The following BTG4 variants were observed in gnomAD, a reference collection of about 807,000 sequenced individuals.
BTG4 encodes the protein protein BTG4.
In BTG4, 10 loss-of-function variants were observed where a neutral mutation model predicts 19.3. The ratio of observed to expected loss-of-function variants is 0.52; its 90% CI spans 0.32 to 0.88. BTG4 has a LOEUF of 0.88. Ranked by LOEUF, BTG4 falls within the 40% of genes least tolerant of loss-of-function variation. The probability of loss-of-function intolerance (pLI) is 0.04; values close to 1 mark genes in which losing one functional copy is unlikely to be tolerated. For missense variants in BTG4, 238 were observed against 281.9 expected (o/e 0.84, Z 1.11); for synonymous variants, 91 against 95.7 (o/e 0.95, Z 0.29).
chr11:111,512,745 G>A (rs1867040770), upstream of BTG4, among the ~76,000 whole-genome samples: 1 of 152,052 alleles, frequency 6.6e-6, no homozygotes, highest in Admixed American at 6.5e-5. Context: ...CCCCGGCAGC[G>A]CCGCCCGCTG....
intron 1 of BTG4, among the ~76,000 whole-genome samples, chr11:111,506,398 C>T (rs539716649): frequency 9.9e-5 from 15 of 151,988 alleles, no homozygotes; most frequent in East Asian, 1.9e-4. Flanking sequence ...TAAAATATTA[C>T]GTATTCTCAC....
In BTG4 at chr11:111,487,321, C is replaced by T. The variant is rs181349994; in HGVS notation, c.662+7842G>A. Among the ~76,000 whole-genome samples, 6 of 152,182 alleles carry T rather than the reference C, an allele frequency of 3.9e-5. No individual in the cohort carries two copies. In the East Asian group the frequency reaches 7.7e-4, roughly 20 times the overall value. On this transcript the variant is annotated intron_variant, in intron 5 of 5. Coordinates refer to the BTG4 transcript ENST00000356018. ...CTTTATAATAGAATGATTTATATTC[C>T]TTTGGGTATATACCCAGTAATGAAA...
downstream of BTG4, among the ~76,000 whole-genome samples, chr11:111,492,818 AG>A (rs1357289946): frequency 2.6e-5 from 4 of 152,248 alleles, no homozygotes; most frequent in Admixed American, 1.3e-4. Context: ...AAAGATCAAG[AG>A]GGAAGGGAGA....
In BTG4 at chr11:111,482,835, T is replaced by C. The variant is rs529029536; in HGVS notation, c.662+12328A>G. On this transcript the variant is annotated intron_variant, in intron 5 of 5. Coordinates refer to the BTG4 transcript ENST00000356018. ...AAACTAAATGTAAAACATAAAACTTTAGAAAAAAAAAAACTTCAGGATCTA... is the reference window on the plus strand; with the variant it reads ...AAACTAAATGTAAAACATAAAACTTCAGAAAAAAAAAAACTTCAGGATCTA... 2.4e-5 allele frequency among the ~76,000 whole-genome samples: 3 copies of C among 124,644 alleles called. No homozygotes were observed. In the South Asian group the frequency reaches 7.3e-4, roughly 30 times the overall value. The allele number at this position is 124,644 out of a possible 152,430, so 81.8% of individuals were successfully genotyped here.
At chr11:111,421,633 G>A in the BTG4 span, among the ~76,000 whole-genome samples, 2 of 152,150 alleles carry the variant, frequency 1.3e-5, no homozygotes, top group South Asian at 2.1e-4. Flanking sequence ...AGTAGAAGGC[G>A]GCTGGGCGTG....
chr11:111,411,240 C>T, the BTG4 span, among the ~76,000 whole-genome samples: 7 of 152,072 alleles, frequency 4.6e-5, no homozygotes, highest in Admixed American at 4.6e-4. Context: ...CTCCTTTCTC[C>T]TTCTACTCTC....
At chr11:111,454,405 T>C in the BTG4 span, 16 of 431,906 alleles carry the variant, frequency 3.7e-5, no homozygotes, top group Non-Finnish European at 5.9e-5. Context: ...TGGAGGAACA[T>C]GTGGGGCTAG....
the BTG4 span, among the ~76,000 whole-genome samples, chr11:111,438,617 C>T: frequency 2.0e-5 from 3 of 152,158 alleles, no homozygotes; most frequent in Admixed American, 6.5e-5. Context: ...CACCCACCAC[C>T]GCCAGCACCT....
the BTG4 span, among the ~76,000 whole-genome samples, chr11:111,441,424 T>G: frequency 1.3e-5 from 2 of 151,506 alleles, no homozygotes; most frequent in African/African-American, 4.9e-5. Flanking sequence ...CAAGGGAGAT[T>G]TTATGGGCTT....
At chr11:111,436,004 A>T in the BTG4 span, among the ~76,000 whole-genome samples, 2 of 152,242 alleles carry the variant, frequency 1.3e-5, no homozygotes, top group Admixed American at 6.5e-5. Flanking sequence ...CCAGAGCCAC[A>T]AAGAAAATGT....
the BTG4 span, among the ~76,000 whole-genome samples, chr11:111,406,152 C>A: frequency 6.6e-6 from 1 of 152,212 alleles, no homozygotes; most frequent in African/African-American, 2.4e-5. Context: ...ATGCCCATTT[C>A]AATACACACT....
chr11:111,514,491 C>T, upstream of BTG4: 1 of 381,102 alleles, frequency 2.6e-6, no homozygotes, highest in Non-Finnish European at 4.9e-6. Context: ...GAGGATGTGG[C>T]AGCCCACTGA....
At chr11:111,443,273 C>G in the BTG4 span, among the ~76,000 whole-genome samples, 1 of 152,280 alleles carries the variant, frequency 6.6e-6, no homozygotes, top group East Asian at 1.9e-4. Flanking sequence ...ATTCTCTCAA[C>G]TGAGAGTAGG....
At chr11:111,464,203 T>G (rs1299391482), downstream of BTG4, among the ~76,000 whole-genome samples, 2 of 152,158 alleles carry the variant, frequency 1.3e-5, no homozygotes, top group Non-Finnish European at 2.9e-5. Context: ...TTCCCCATGT[T>G]GGCCAAGCTG....
At chr11:111,506,072 C>T (rs1866434822) in intron 1 of BTG4, among the ~76,000 whole-genome samples, 1 of 152,092 alleles carries the variant, frequency 6.6e-6, no homozygotes, top group Non-Finnish European at 1.5e-5. Context: ...ATAGCGATAT[C>T]TCAAATAACT....
chr11:111,411,446 T>C, the BTG4 span, among the ~76,000 whole-genome samples: 2 of 152,210 alleles, frequency 1.3e-5, no homozygotes, highest in East Asian at 3.8e-4. Context: ...GCAGATGTTG[T>C]CTTACCAAGG....
chr11:111,499,350 A>C (rs1591520635), intron 1 of BTG4, among the ~76,000 whole-genome samples: 1 of 152,220 alleles, frequency 6.6e-6, no homozygotes, highest in Non-Finnish European at 1.5e-5. Flanking sequence ...TTCGAGGCTG[A>C]AGTTTATATA....
chr11:111,513,296 C>CTG (rs1867083823), upstream of BTG4: 9 of 466,500 alleles, frequency 1.9e-5, no homozygotes, highest in South Asian at 1.4e-4. Flanking sequence ...ATACTGTATG[C>CTG]TGTGATTCAC....
chr11:111,497,138 T>G (rs1414052768), intron 4 of BTG4, 73 bp downstream of exon 4: 2 of 1,377,510 alleles, frequency 1.5e-6, no homozygotes, highest in Non-Finnish European at 2.0e-6. Flanking sequence ...TGCTTCTTTG[T>G]TTTCATAATG....
Sources: allele counts gnomAD v4.1 joint callset (sites outside exome capture counted in the v4.1 genomes callset), GRCh38; gene constraint gnomAD v4.1.1; transcripts MANE v1.5; gene names NCBI Gene and HGNC (gene_info 2026-07-23, HGNC 2026-07-21).